The following CACNA1E variants were observed in gnomAD, a reference collection of about 807,000 sequenced individuals.
The protein encoded by CACNA1E is voltage-dependent R-type calcium channel subunit alpha-1E.
In CACNA1E, 40 loss-of-function variants were observed where a neutral mutation model predicts 259.2. The ratio of observed to expected loss-of-function variants is 0.15; its 90% CI spans 0.12 to 0.20. CACNA1E has a LOEUF of 0.20. CACNA1E is among the 10% of genes least tolerant of loss of function. The pLI is 1.00. For missense variants in CACNA1E, 1,874 were observed against 3,040.1 expected, an observed-to-expected ratio of 0.62 and a Z score of 9.02; for synonymous variants, 1,104 against 1,138.5, an observed-to-expected ratio of 0.97 and a Z score of 0.61.
chr1:181,461,991 G>T (rs1003079733), intron 2 of CACNA1E, among the ~76,000 whole-genome samples: 1 of 151,958 alleles, frequency 6.6e-6, no homozygotes, highest in Non-Finnish European at 1.5e-5. Context: ...TACTAATGGG[G>T]ATTATAGGGT....
chr1:181,796,891 A>T (rs1221742748), intron 47 of CACNA1E, 33 bp downstream of exon 47: 1 of 1,504,812 alleles, frequency 6.6e-7, no homozygotes, highest in Non-Finnish European at 9.0e-7. Context: ...TCTACAGCAG[A>T]AGGACAGGGG....
intron 7 of CACNA1E, among the ~76,000 whole-genome samples, chr1:181,664,834 G>A (rs1172011498): frequency 1.3e-5 from 2 of 152,070 alleles, no homozygotes; most frequent in East Asian, 1.9e-4. Flanking sequence ...GGGTGAAGGT[G>A]TTGAGGGAAA....
intron 3 of CACNA1E, among the ~76,000 whole-genome samples, chr1:181,537,823 T>A (rs1168293743): frequency 1.3e-5 from 2 of 152,218 alleles, no homozygotes; most frequent in Non-Finnish European, 2.9e-5. Flanking sequence ...ATTTTATAGA[T>A]GAAGAAACAG....
At chr1:181,486,175 A>G (rs528459145) in intron 1 of CACNA1E, among the ~76,000 whole-genome samples, 11 of 152,374 alleles carry the variant, frequency 7.2e-5, no homozygotes, top group African/African-American at 2.6e-4. Context: ...AAAATGGACC[A>G]AAGAGAGTCA....
At chr1:181,402,056 C>G (rs937807012) in intron 1 of CACNA1E, among the ~76,000 whole-genome samples, 3 of 152,232 alleles carry the variant, frequency 2.0e-5, no homozygotes, top group African/African-American at 7.2e-5. Flanking sequence ...CATTCTCTCA[C>G]TCCCGTTTTG....
chr1:181,772,060 G>A lies in CACNA1E; in HGVS notation c.4974-6G>A. 4 of 1,613,396 alleles carry A rather than the reference G, an allele frequency of 2.5e-6. No individual in the cohort carries two copies. Among genetic ancestry groups the A allele is most frequent in the Non-Finnish European group, 3.4e-6 (4 of 1,179,606 alleles). On this transcript the variant is annotated splice_polypyrimidine_tract_variant and splice_region_variant and intron_variant, in intron 36 of 47. Transcript: ENST00000367573. ...TCCTGCTAACCAAAATGTCTCTTGG[G>A]CTCAGGAGTGCCACAGGTGAGGCCT...
chr1:181,643,852 T>C (rs1658020414), intron 6 of CACNA1E, among the ~76,000 whole-genome samples: 2 of 152,150 alleles, frequency 1.3e-5, no homozygotes, highest in Non-Finnish European at 2.9e-5. Context: ...GACCAGAATG[T>C]GTGGGAAGCC....
upstream of CACNA1E, among the ~76,000 whole-genome samples, chr1:181,479,077 C>T (rs949298224): frequency 6.6e-6 from 1 of 152,220 alleles, no homozygotes; most frequent in African/African-American, 2.4e-5. Flanking sequence ...TGGGTTTCCA[C>T]TTTGCAGGTC....
chr1:181,774,552 C>G (rs1174083445), intron 37 of CACNA1E, among the ~76,000 whole-genome samples: 2 of 152,240 alleles, frequency 1.3e-5, no homozygotes, highest in East Asian at 3.8e-4. Flanking sequence ...CAGACCTACT[C>G]CTGCTTTCTG....
At chr1:181,372,580 G>A (rs957736150) in intron 1 of CACNA1E, among the ~76,000 whole-genome samples, 8 of 152,040 alleles carry the variant, frequency 5.3e-5, no homozygotes, top group Non-Finnish European at 1.2e-4. Flanking sequence ...CTATTTGGAT[G>A]CCTTTTATTT....
chr1:181,605,526 A>C (rs1395081697), intron 6 of CACNA1E, among the ~76,000 whole-genome samples: 1 of 152,110 alleles, frequency 6.6e-6, no homozygotes, highest in East Asian at 1.9e-4. Context: ...AAACACAGGA[A>C]AAAAAAATAG....
chr1:181,338,586 A>G (rs1438183179), intron 1 of CACNA1E, among the ~76,000 whole-genome samples: 5 of 150,692 alleles, frequency 3.3e-5, no homozygotes, highest in Non-Finnish European at 7.4e-5. Context: ...TAGTTTGCAA[A>G]TATTTTCTAC....
chr1:181,708,343 T>C (rs1387660777), intron 7 of CACNA1E, among the ~76,000 whole-genome samples: 1 of 151,894 alleles, frequency 6.6e-6, no homozygotes, highest in Non-Finnish European at 1.5e-5. Context: ...GATCTGAGAG[T>C]TGTGGTTCCT....
At chr1:181,674,583 G>C (rs931295100) in intron 7 of CACNA1E, among the ~76,000 whole-genome samples, 1 of 152,066 alleles carries the variant, frequency 6.6e-6, no homozygotes, top group Non-Finnish European at 1.5e-5. Flanking sequence ...TATGGACCAG[G>C]CCTCATCTGA....
At chr1:181,376,835 T>C (rs1184018408) in intron 1 of CACNA1E, among the ~76,000 whole-genome samples, 1 of 112,462 alleles carries the variant, frequency 8.9e-6, no homozygotes, top group East Asian at 2.3e-4. Context: ...TTAAAGAGTC[T>C]GGAAACTGGC....
chr1:181,593,275 G>A (rs1652837278), intron 6 of CACNA1E, among the ~76,000 whole-genome samples: 1 of 152,134 alleles, frequency 6.6e-6, no homozygotes, highest in Non-Finnish European at 1.5e-5. Flanking sequence ...GTGGGTGTCT[G>A]GTTGCTTCGG....
At chr1:181,709,034 A>T (rs1049774255) in intron 7 of CACNA1E, among the ~76,000 whole-genome samples, 1 of 152,206 alleles carries the variant, frequency 6.6e-6, no homozygotes, top group African/African-American at 2.4e-5. Flanking sequence ...TCATGGATCA[A>T]GATAGTGAGG....
intron 1 of CACNA1E, among the ~76,000 whole-genome samples, chr1:181,343,142 G>A (rs1652303426): frequency 6.6e-6 from 1 of 151,976 alleles, no homozygotes; most frequent in Non-Finnish European, 1.5e-5. Flanking sequence ...GAGCAACTGG[G>A]TAGATGAGGG....
intron 6 of CACNA1E, among the ~76,000 whole-genome samples, chr1:181,631,904 G>A (rs1297549912): frequency 1.3e-5 from 2 of 152,114 alleles, no homozygotes; most frequent in African/African-American, 4.8e-5. Flanking sequence ...ATAAGCCCAG[G>A]GAGATCAGAT....
Sources: allele counts gnomAD v4.1 joint callset (sites outside exome capture counted in the v4.1 genomes callset), GRCh38; gene constraint gnomAD v4.1.1; transcripts MANE v1.5; gene names NCBI Gene and HGNC (gene_info 2026-07-23, HGNC 2026-07-21).